Variants in ATP10D observed in about 807,000 individuals in gnomAD.
ATP10D encodes the protein phospholipid-transporting ATPase VD.
In ATP10D, 89 loss-of-function variants were observed where a neutral mutation model predicts 144.8. The ratio of observed to expected loss-of-function variants is 0.61; its 90% CI spans 0.52 to 0.73. The LOEUF is 0.73. Ranked by LOEUF, ATP10D falls within the 30% of genes least tolerant of loss-of-function variation. The probability of loss-of-function intolerance (pLI) is 0.00; values close to 1 mark genes in which losing one functional copy is unlikely to be tolerated. For synonymous variants in ATP10D, 571 were observed against 615.1 expected, an observed-to-expected ratio of 0.93 and a Z score of 1.06; for missense variants, 1,603 against 1,714.8, an observed-to-expected ratio of 0.93 and a Z score of 1.15.
chr4:47,499,783 C>T (rs1032807204), intron 1 of ATP10D, among the ~76,000 whole-genome samples: 1 of 152,202 alleles, frequency 6.6e-6, no homozygotes, highest in Non-Finnish European at 1.5e-5. Context: ...AAAAAGGTTA[C>T]TCAGAATAAC....
intron 18 of ATP10D, 63 bp from the exon 19 acceptor site, chr4:47,576,710 A>C: frequency 6.7e-7 from 1 of 1,498,948 alleles, no homozygotes; most frequent in South Asian, 1.1e-5. Context: ...CAGCATTTGG[A>C]ATGTGTAATC....
At chr4:47,540,500 C>A (rs12651381) in intron 9 of ATP10D, among the ~76,000 whole-genome samples, 72,710 of 151,860 alleles carry the variant, frequency 0.48, 17,959 homozygotes, top group East Asian at 0.83. Context: ...AAAATTTTAA[C>A]AAGCCACTCC....
At chr4:47,512,958 T>C (rs1716433595) in intron 2 of ATP10D, 128 bp downstream of exon 2, 1 of 925,462 alleles carries the variant, frequency 1.1e-6, no homozygotes, top group East Asian at 2.7e-5. Flanking sequence ...ACAATTTTGA[T>C]ACAAATCTGT....
At chr4:47,550,752 A>G (rs535770052) in intron 10 of ATP10D, among the ~76,000 whole-genome samples, 32 of 152,316 alleles carry the variant, frequency 2.1e-4, no homozygotes, top group African/African-American at 7.5e-4. Context: ...GCCATGCAGG[A>G]ACAATGGCAA....
chr4:47,548,035 G>A (rs3923147), intron 10 of ATP10D, among the ~76,000 whole-genome samples: 33,487 of 151,752 alleles, frequency 0.22, 4,395 homozygotes, highest in East Asian at 0.5. Flanking sequence ...TTTTTCTATC[G>A]ATATATTTTC....
At chr4:47,561,192 C>G (rs901982600) in intron 14 of ATP10D, 117 bp downstream of exon 14, 3 of 1,320,706 alleles carry the variant, frequency 2.3e-6, no homozygotes, top group Non-Finnish European at 3.2e-6. Context: ...TTCTGCCTAC[C>G]CTGTCCAGTC....
chr4:47,545,474 A>T (rs1718367847), intron 9 of ATP10D, among the ~76,000 whole-genome samples: 3 of 152,222 alleles, frequency 2.0e-5, no homozygotes, highest in Admixed American at 2.0e-4. Flanking sequence ...AGACTATTGC[A>T]CTGGTCCAGT....
intron 3 of ATP10D, among the ~76,000 whole-genome samples, chr4:47,516,126 A>T (rs1716671691): frequency 6.6e-6 from 1 of 151,962 alleles, no homozygotes; most frequent in South Asian, 2.1e-4. Flanking sequence ...GCTACTCAGG[A>T]GGCTGAGGCA....
chr4:47,498,045 T>C (rs867853337), intron 1 of ATP10D, among the ~76,000 whole-genome samples: 1 of 152,208 alleles, frequency 6.6e-6, no homozygotes, highest in South Asian at 2.1e-4. Flanking sequence ...CTTACGTACA[T>C]TCCCATTAAC....
intron 1 of ATP10D, among the ~76,000 whole-genome samples, chr4:47,502,333 T>C (rs936418753): frequency 4.0e-5 from 6 of 151,876 alleles, no homozygotes; most frequent in Non-Finnish European, 2.9e-5. Flanking sequence ...TAGCTGGGCG[T>C]GGTGGCGGGC....
At chr4:47,489,989 G>A (rs1180195842) in intron 1 of ATP10D, among the ~76,000 whole-genome samples, 1 of 152,114 alleles carries the variant, frequency 6.6e-6, no homozygotes, top group Non-Finnish European at 1.5e-5. Flanking sequence ...AACTTACAAG[G>A]TTTTAACTCT....
At chr4:47,525,508 A>G (rs746290438) in intron 4 of ATP10D, 49 bp from the exon 5 acceptor site, 40 of 1,311,890 alleles carry the variant, frequency 3.0e-5, no homozygotes, top group Middle Eastern at 3.7e-4. Context: ...CTTCAATATT[A>G]AGGGTTTAAC....
At chr4:47,517,093 A>G (rs1304993707) in intron 3 of ATP10D, among the ~76,000 whole-genome samples, 1 of 152,216 alleles carries the variant, frequency 6.6e-6, no homozygotes, top group Non-Finnish European at 1.5e-5. Context: ...CTTATTATAT[A>G]TATTTTTGAA....
intron 21 of ATP10D, among the ~76,000 whole-genome samples, chr4:47,586,661 A>G (rs1401168216): frequency 6.6e-6 from 1 of 152,176 alleles, no homozygotes; most frequent in Admixed American, 6.5e-5. Flanking sequence ...TTTGAGGTTC[A>G]CTGGGAGGAA....
At chr4:47,586,604 T>C (rs1024647415) in intron 21 of ATP10D, among the ~76,000 whole-genome samples, 2 of 152,182 alleles carry the variant, frequency 1.3e-5, no homozygotes, top group African/African-American at 4.8e-5. Context: ...AGAATGACAG[T>C]ATTCGTGATC....
At chr4:47,582,407 G>A (rs886932291) in intron 21 of ATP10D, among the ~76,000 whole-genome samples, 1 of 152,070 alleles carries the variant, frequency 6.6e-6, no homozygotes, top group Admixed American at 6.6e-5. Context: ...TCATAATCCT[G>A]GTACAGTGAC....
In ATP10D at chr4:47,509,953, T is replaced by TGC. The variant is rs1300496147; in HGVS notation, c.-37-2550_-37-2549insCG. On this transcript the variant is annotated intron_variant, in intron 1 of 22. Transcript: ENST00000273859. ...AACTTTTGTTTCAGGGGTGTGTGTG[T>TGC]GTGTGTGTGTGTGTGTGTGTGTGTG... Among the ~76,000 whole-genome samples the TGC allele has an allele frequency of 5.3e-3, 758 of 144,240 alleles. 3 individuals carry two copies. Among genetic ancestry groups the TGC allele is most frequent in the Non-Finnish European group, 7.9e-3 (500 of 63,474 alleles). 94.6% of individuals were successfully genotyped at this position (144,240 alleles called of 152,430 possible).
At chr4:47,495,820 C>T (rs1715333104) in intron 1 of ATP10D, among the ~76,000 whole-genome samples, 1 of 151,898 alleles carries the variant, frequency 6.6e-6, no homozygotes, top group Non-Finnish European at 1.5e-5. Context: ...TCACTGCAAC[C>T]TCCATCTCCC....
chr4:47,580,272 G>A (rs1386358959), intron 19 of ATP10D, 126 bp from the exon 20 acceptor site: 1 of 784,748 alleles, frequency 1.3e-6, no homozygotes, highest in African/African-American at 1.7e-5. Flanking sequence ...TACCTCTGTT[G>A]ACAAATACCA....
Sources: allele counts gnomAD v4.1 joint callset (sites outside exome capture counted in the v4.1 genomes callset), GRCh38; gene constraint gnomAD v4.1.1; transcripts MANE v1.5; gene names NCBI Gene and HGNC (gene_info 2026-07-23, HGNC 2026-07-21).